RAB20: variants seen among roughly 807,000 people sequenced by gnomAD.
The protein encoded by RAB20 is RAB20, member RAS oncogene family.
RAB20 carries 2 observed loss-of-function variants against 3.7 expected under a neutral mutation model. The observed-to-expected ratio is 0.54, with a 90% CI of 0.22 to 1.69. The LOEUF (loss-of-function observed/expected upper bound fraction) is 1.69, where lower values mean the gene tolerates loss of function less well. Ranked by LOEUF, RAB20 falls within the 40% of genes most tolerant of loss-of-function variation. The pLI is 0.19. For synonymous variants in RAB20, 126 were observed against 130.8 expected (o/e 0.96, Z 0.25); for missense variants, 276 against 311.9 (o/e 0.88, Z 0.87).
At chr13:110,536,092 C>T (rs1321319503) in intron 1 of RAB20, among the ~76,000 whole-genome samples, 4 of 152,066 alleles carry the variant, frequency 2.6e-5, no homozygotes, top group African/African-American at 4.8e-5. Context: ...GGGGCAAAGA[C>T]GATGTGAAGG....
intron 1 of RAB20, 61 bp downstream of exon 1, chr13:110,561,287 C>A: frequency 6.8e-7 from 1 of 1,478,802 alleles, no homozygotes; most frequent in Non-Finnish European, 9.0e-7. Context: ...GCTGGAAGCC[C>A]CGCGCCCCCC....
intron 1 of RAB20, among the ~76,000 whole-genome samples, chr13:110,528,413 C>CAAAAA (rs11386477): frequency 1.3e-4 from 16 of 122,420 alleles, no homozygotes; most frequent in Non-Finnish European, 1.7e-4. Flanking sequence ...AACTCCATCT[C>CAAAAA]AAAAAAAAAA....
intron 1 of RAB20, among the ~76,000 whole-genome samples, chr13:110,543,663 C>T (rs1205200470): frequency 6.6e-6 from 1 of 151,846 alleles, no homozygotes; most frequent in Non-Finnish European, 1.5e-5. Flanking sequence ...TCTGGAGTCA[C>T]ATAAAAAAGA....
At chr13:110,550,287 GTTGTTCAT>G (rs1408248486) in intron 1 of RAB20, among the ~76,000 whole-genome samples, 3 of 152,170 alleles carry the variant, frequency 2.0e-5, no homozygotes, top group Admixed American at 6.5e-5. Flanking sequence ...TCTTCATGCG[GTTGTTCAT>G]TTGTATCCTT....
chr13:110,561,239 T>TG, intron 1 of RAB20, 109 bp downstream of exon 1: 1 of 1,339,228 alleles, frequency 7.5e-7, no homozygotes, highest in Non-Finnish European at 9.8e-7. Flanking sequence ...AGGCATTTGC[T>TG]GTCCGAGGCC....
chr13:110,548,360 T>C (rs1884890047), intron 1 of RAB20, among the ~76,000 whole-genome samples: 1 of 151,986 alleles, frequency 6.6e-6, no homozygotes, highest in Non-Finnish European at 1.5e-5. Flanking sequence ...GGTGTGCACC[T>C]GTAGTCCCAG....
At chr13:110,537,661 T>G (rs1481154241) in intron 1 of RAB20, among the ~76,000 whole-genome samples, 1 of 151,732 alleles carries the variant, frequency 6.6e-6, no homozygotes, top group Non-Finnish European at 1.5e-5. Context: ...TGACTTGGGA[T>G]GTATGACATT....
chr13:110,529,957 G>A (rs1008573414), intron 1 of RAB20, among the ~76,000 whole-genome samples: 13 of 152,200 alleles, frequency 8.5e-5, no homozygotes, highest in Non-Finnish European at 1.8e-4. Context: ...GGTGGTGAGG[G>A]AAACCTGAAT....
chr13:110,536,952 C>T (rs1242642133), intron 1 of RAB20, among the ~76,000 whole-genome samples: 2 of 106,018 alleles, frequency 1.9e-5, no homozygotes, highest in Non-Finnish European at 3.6e-5. Context: ...ACAACAGGCC[C>T]CGCTATGTGA....
chr13:110,523,936 G>A lies in RAB20; in HGVS notation c.434C>T (p.Ala145Val), dbSNP rs368432236. 2.0e-5 allele frequency: 32 copies of A among 1,614,030 alleles called. No homozygotes were observed. The highest frequency in any genetic ancestry group is 2.7e-5 in the Non-Finnish European group (32 of 1,180,034). Reference protein sequence around the residue: ...MDAGDRVSPRAPKQVQLEDAV... With the variant: ...MDAGDRVSPRVPKQVQLEDAV... ...ATCCTCCAGCTGCACCTGCTTAGGT[G>A]CCCTTGGGGAGACACGGTCCCCAGC... Residue 145 changes from alanine to valine, a missense_variant, in exon 2 of 2, where the codon GCA (alanine) becomes GTA (valine). Coordinates refer to ENST00000267328, the MANE Select transcript of RAB20 (RefSeq NM_017817.3).
In RAB20 at chr13:110,542,425, C is replaced by T. The variant is rs1378477879; in HGVS notation, c.173-18228G>A. Reference sequence around the variant, plus strand: ...GGGGCTCTACATTAGACCTCCAGAACTTATTCAGCCTGCAGAACTGAACCT... The same window carrying T: ...GGGGCTCTACATTAGACCTCCAGAATTTATTCAGCCTGCAGAACTGAACCT... On this transcript the variant is annotated intron_variant, in intron 1 of 1. Transcript: ENST00000267328. 2.6e-5 allele frequency among the ~76,000 whole-genome samples: 4 copies of T among 152,302 alleles called. No homozygotes were observed. In the East Asian group the frequency reaches 5.8e-4, roughly 22 times the overall value.
chr13:110,546,204 C>T (rs1390650192), intron 1 of RAB20, among the ~76,000 whole-genome samples: 1 of 152,184 alleles, frequency 6.6e-6, no homozygotes, highest in African/African-American at 2.4e-5. Flanking sequence ...AGTCGAGAAC[C>T]ATGCTGGGCT....
chr13:110,541,122 C>T (rs866655565), intron 1 of RAB20, among the ~76,000 whole-genome samples: 14 of 152,174 alleles, frequency 9.2e-5, no homozygotes, highest in Non-Finnish European at 1.6e-4. Flanking sequence ...GACCACCCCT[C>T]ACTCTAAGTA....
At chr13:110,542,010 C>T (rs1266261152) in intron 1 of RAB20, among the ~76,000 whole-genome samples, 1 of 152,072 alleles carries the variant, frequency 6.6e-6, no homozygotes, top group East Asian at 1.9e-4. Context: ...GTGCAAACAG[C>T]CTGGGGAAGG....
chr13:110,529,825 G>A (rs916618948), intron 1 of RAB20, among the ~76,000 whole-genome samples: 40 of 152,128 alleles, frequency 2.6e-4, no homozygotes, highest in African/African-American at 8.2e-4. Context: ...GTGAGTGACC[G>A]GAGCCTGGGG....
At chr13:110,554,613 C>A (rs1885008850) in intron 1 of RAB20, among the ~76,000 whole-genome samples, 1 of 152,222 alleles carries the variant, frequency 6.6e-6, no homozygotes, top group South Asian at 2.1e-4. Flanking sequence ...CTCCTCCAGG[C>A]CCAAGATTTC....
In RAB20 at chr13:110,530,443, GA is replaced by G. The variant is rs1354210545; in HGVS notation, c.173-6247del. 3.3e-4 allele frequency among the ~76,000 whole-genome samples: 38 copies of G among 116,828 alleles called. 9 individuals carry two copies. Among genetic ancestry groups the G allele is most frequent in the Non-Finnish European group, 5.1e-4 (30 of 58,282 alleles). 76.6% of individuals were successfully genotyped at this position (116,828 alleles called of 152,430 possible). A position where few individuals can be genotyped will look rare whatever the true frequency, so the allele number is the denominator to read the frequency against. ...CTCTACGCAGACACAGGGCCCTAGG[GA>G]AGTAGGTCCCACCCGCCCCACCTCT... is the stretch of plus-strand genomic sequence containing the variant. On this transcript the variant is annotated intron_variant, in intron 1 of 1. Transcript: ENST00000267328.
Position 110,531,824 on chromosome 13 carries a change from T to A in RAB20, c.173-7627A>T, listed in dbSNP as rs142544553. Among the ~76,000 whole-genome samples, 253 of 152,328 alleles carry A rather than the reference T, an allele frequency of 1.7e-3. 4 individuals carry two copies. The East Asian group carries it at 0.043, about 26-fold the overall frequency. ...TATTCTCAGATGATGACCTTCTCCC[T>A]GGTCCTGGGGGTGCTCCGGATGTTG... On this transcript the variant is annotated intron_variant, in intron 1 of 1. Transcript: ENST00000267328.
chr13:110,531,823 C>T (rs1186192736), intron 1 of RAB20, among the ~76,000 whole-genome samples: 1 of 152,220 alleles, frequency 6.6e-6, no homozygotes, highest in Non-Finnish European at 1.5e-5. Flanking sequence ...GACCTTCTCC[C>T]TGGTCCTGGG....
Sources: allele counts gnomAD v4.1 joint callset (sites outside exome capture counted in the v4.1 genomes callset), GRCh38; gene constraint gnomAD v4.1.1; transcripts MANE v1.5; gene names NCBI Gene and HGNC (gene_info 2026-07-23, HGNC 2026-07-21).